The following SLC43A2 variants were observed in gnomAD, a reference collection of about 807,000 sequenced individuals.
The protein encoded by SLC43A2 is large neutral amino acids transporter small subunit 4.
A neutral mutation model predicts 63.2 loss-of-function variants in SLC43A2; 38 were observed. That is an observed-to-expected ratio of 0.60 (90% CI 0.46 to 0.79). The LOEUF (loss-of-function observed/expected upper bound fraction) is 0.79, where lower values mean the gene tolerates loss of function less well. SLC43A2 is among the 30% of genes least tolerant of loss of function. SLC43A2 has a pLI of 0.00. For synonymous variants in SLC43A2, 322 were observed against 331.0 expected (o/e 0.97, Z 0.30); for missense variants, 644 against 756.2 (o/e 0.85, Z 1.74).
intron 2 of SLC43A2, among the ~76,000 whole-genome samples, chr17:1,620,139 C>T (rs1054597967): frequency 1.3e-5 from 2 of 152,130 alleles, no homozygotes; most frequent in African/African-American, 2.4e-5. Context: ...CCGAGGCAGG[C>T]GGACCACTTG....
intron 9 of SLC43A2, chr17:1,586,942 C>CCCCCCCCCCCT: frequency 1.3e-6 from 2 of 1,511,076 alleles, no homozygotes; most frequent in South Asian, 1.2e-5. Context: ...CCCCACCCCC[C>CCCCCCCCCCCT]GCTTACCCGT....
chr17:1,614,934 T>A, intron 4 of SLC43A2, 45 bp downstream of exon 4: 1 of 1,600,776 alleles, frequency 6.2e-7, no homozygotes, highest in Non-Finnish European at 8.6e-7. Context: ...CTCAGGGCAC[T>A]CTCTCCCCGG....
At chr17:1,589,160 C>G (rs1046839246) in intron 9 of SLC43A2, among the ~76,000 whole-genome samples, 1 of 152,176 alleles carries the variant, frequency 6.6e-6, no homozygotes, top group Non-Finnish European at 1.5e-5. Context: ...TTTGAACATA[C>G]GAAACAGTTG....
chr17:1,612,034 G>C (rs1251749482), intron 5 of SLC43A2, among the ~76,000 whole-genome samples: 1 of 152,074 alleles, frequency 6.6e-6, no homozygotes. Flanking sequence ...GCTTGATCTT[G>C]GCTCACGGCA....
chr17:1,587,078 ATTTCCCACACTGCG>A, intron 9 of SLC43A2: 2 of 313,372 alleles, frequency 6.4e-6, no homozygotes, highest in Non-Finnish European at 9.3e-6. Flanking sequence ...CACGCACTGC[ATTTCCCACACTGCG>A]TTTCCCGCAC....
At chr17:1,627,674 CAG>C in intron 2 of SLC43A2, 39 bp downstream of exon 2, 4 of 1,297,678 alleles carry the variant, frequency 3.1e-6, no homozygotes, top group Non-Finnish European at 3.1e-6. Context: ...CCCAAAGCCC[CAG>C]CTCCAGGAGC....
At chr17:1,600,152 A>ATATATATATATATATATATATTTTT (rs1216616243) in intron 5 of SLC43A2, among the ~76,000 whole-genome samples, 7 of 60,276 alleles carry the variant, frequency 1.2e-4, no homozygotes, top group Non-Finnish European at 1.9e-4. Context: ...ATATATATAT[A>ATATATATATATATATATATATTTTT]TTTTTTTTTT....
chr17:1,586,989 C>A lies in SLC43A2; in HGVS notation c.1079-938G>T, dbSNP rs1294284333. The stretch of plus-strand genomic sequence containing the variant: ...CATCAAGAAAGCAAAAGTGAAAAAG[C>A]AGAAAGAAGAGAGGTTAGTGGCAGA... On this transcript the variant is annotated intron_variant, in intron 9 of 13. Coordinates refer to ENST00000301335, the MANE Select transcript of SLC43A2 (RefSeq NM_152346.3). 5 of 1,338,064 alleles carry A rather than the reference C, an allele frequency of 3.7e-6. No individual in the cohort carries two copies. In the African/African-American group the frequency reaches 7.6e-5, roughly 20 times the overall value. 82.9% of individuals were successfully genotyped at this position (1,338,064 alleles called of 1,614,324 possible).
chr17:1,623,506 C>T (rs1908348577), intron 2 of SLC43A2, among the ~76,000 whole-genome samples: 1 of 152,112 alleles, frequency 6.6e-6, no homozygotes, highest in African/African-American at 2.4e-5. Flanking sequence ...GATGGTCGCC[C>T]TCCTCTATCT....
At chr17:1,611,627 C>CAAAAAAAAAAAAAAA (rs11377420) in intron 5 of SLC43A2, among the ~76,000 whole-genome samples, 1 of 120,510 alleles carries the variant, frequency 8.3e-6, no homozygotes. Context: ...CGAGCAGACT[C>CAAAAAAAAAAAAAAA]AAAAAAAAAA....
chr17:1,587,488 A>G (rs35740453), intron 9 of SLC43A2, among the ~76,000 whole-genome samples: 28,312 of 152,226 alleles, frequency 0.19, 3,211 homozygotes, highest in Non-Finnish European at 0.25. Flanking sequence ...CCACTCCAAG[A>G]AACGGGGACC....
chr17:1,617,891 C>T (rs963837975), intron 2 of SLC43A2, among the ~76,000 whole-genome samples: 6 of 152,162 alleles, frequency 3.9e-5, no homozygotes, highest in South Asian at 4.1e-4. Context: ...GGGTGGAGGA[C>T]GGGCTGGGAA....
chr17:1,584,767 C>T (rs950849220), intron 10 of SLC43A2, among the ~76,000 whole-genome samples: 1 of 151,588 alleles, frequency 6.6e-6, no homozygotes. Context: ...TTGCAGTGAG[C>T]CGAGATAGAG....
upstream of SLC43A2, among the ~76,000 whole-genome samples, chr17:1,629,163 G>A (rs531228966): frequency 4.7e-4 from 71 of 152,104 alleles, no homozygotes; most frequent in African/African-American, 1.6e-3. Context: ...TCCGCGTCCC[G>A]GCCCCCAGCG....
chr17:1,572,560 T>C lies in SLC43A2; in HGVS notation c.*3044A>G, dbSNP rs1181542875. 1.3e-5 allele frequency: 2 copies of C among 152,176 alleles called. No individual in the cohort carries two copies. Among genetic ancestry groups the C allele is most frequent in the Non-Finnish European group, 2.9e-5 (2 of 68,038 alleles). The allele number at this position is 152,176 out of a possible 1,614,324, so 9.4% of individuals were successfully genotyped here. On this transcript the variant is annotated 3_prime_UTR_variant, in exon 14 of 14. Transcript: ENST00000301335. Reference sequence around the variant, plus strand: ...ATTGTTATCAAGTCAAGGACAACAATAGGAAAACATGTCACCTGTCAGCTC... The same window carrying C: ...ATTGTTATCAAGTCAAGGACAACAACAGGAAAACATGTCACCTGTCAGCTC...
At chr17:1,585,742 G>A (rs768110323) in intron 10 of SLC43A2, 171 bp downstream of exon 10, 1 of 1,571,508 alleles carries the variant, frequency 6.4e-7, no homozygotes, top group Non-Finnish European at 8.6e-7. Context: ...GAGGGGAGCA[G>A]TTGAAACGCA....
intron 2 of SLC43A2, among the ~76,000 whole-genome samples, 177 bp downstream of exon 2, chr17:1,627,538 A>C (rs1908765806): frequency 6.6e-6 from 1 of 152,152 alleles, no homozygotes; most frequent in Non-Finnish European, 1.5e-5. Context: ...CTTCGTCCAC[A>C]AAACAGGGGC....
chr17:1,585,750 G>A (rs185692318), intron 10 of SLC43A2, 163 bp downstream of exon 10: 901 of 1,580,124 alleles, frequency 5.7e-4, no homozygotes, highest in Non-Finnish European at 7.1e-4. Flanking sequence ...CAGTTGAAAC[G>A]CATGCTGAGC....
At chr17:1,615,879 T>TAC (rs1567644881) in intron 3 of SLC43A2, among the ~76,000 whole-genome samples, 5 of 69,012 alleles carry the variant, frequency 7.2e-5, no homozygotes, top group Admixed American at 5.4e-4. Flanking sequence ...TAAATAAATA[T>TAC]GAAAAATATA....
Sources: gnomAD v4.1 joint callset for allele counts (sites outside exome capture counted in the v4.1 genomes callset) on GRCh38, gnomAD v4.1.1 for gene constraint, MANE v1.5 for transcripts, NCBI Gene and HGNC (gene_info 2026-07-23, HGNC 2026-07-21) for gene names.